Variants in DLGAP2 observed in about 807,000 individuals in gnomAD.
DLGAP2 encodes the protein disks large-associated protein 2.
Under a neutral mutation model 100.3 loss-of-function variants are expected in DLGAP2, and 26 were observed. That is an observed-to-expected ratio of 0.26 (90% CI 0.19 to 0.36). DLGAP2 has a LOEUF of 0.36. Ranked by LOEUF, DLGAP2 falls within the 10% of genes least tolerant of loss-of-function variation. DLGAP2 has a pLI of 1.00. For synonymous variants in DLGAP2, 886 were observed against 630.1 expected, an observed-to-expected ratio of 1.41 and a Z score of -6.08; for missense variants, 1,858 against 1,453.2, an observed-to-expected ratio of 1.28 and a Z score of -4.53.
intron 3 of DLGAP2, among the ~76,000 whole-genome samples, chr8:1,262,869 G>T (rs1184527364): frequency 6.6e-6 from 1 of 151,648 alleles, no homozygotes; most frequent in African/African-American, 2.4e-5. Context: ...ATGGACATTG[G>T]GTGGGGCCAC....
At chr8:1,511,791 G>C (rs1352245191) in intron 4 of DLGAP2, among the ~76,000 whole-genome samples, 1 of 151,648 alleles carries the variant, frequency 6.6e-6, no homozygotes, top group Non-Finnish European at 1.5e-5. Flanking sequence ...ACAATCAGTA[G>C]ATGACCATCT....
intron 8 of DLGAP2, among the ~76,000 whole-genome samples, chr8:1,640,924 C>G (rs1461224562): frequency 2.0e-5 from 3 of 152,186 alleles, no homozygotes; most frequent in African/African-American, 7.2e-5. Context: ...TGCGCTAAGC[C>G]TATAGGATGA....
intron 3 of DLGAP2, among the ~76,000 whole-genome samples, chr8:1,280,905 T>G (rs1563058679): frequency 6.6e-6 from 1 of 152,204 alleles, no homozygotes; most frequent in Non-Finnish European, 1.5e-5. Flanking sequence ...ATGCGTATTC[T>G]GGGAACAAGT....
chr8:1,656,608 T>G (rs1457172675), intron 8 of DLGAP2, among the ~76,000 whole-genome samples: 1 of 152,156 alleles, frequency 6.6e-6, no homozygotes. Flanking sequence ...GGAAAGTCAG[T>G]TTTTACACAC....
intron 2 of DLGAP2, among the ~76,000 whole-genome samples, chr8:940,952 G>A (rs1799182557): frequency 1.3e-5 from 2 of 152,148 alleles, no homozygotes; most frequent in African/African-American, 4.8e-5. Flanking sequence ...CCACCTGCCA[G>A]GAGAGGGGAG....
At chr8:1,181,273 C>T (rs767085395) in intron 2 of DLGAP2, among the ~76,000 whole-genome samples, 1 of 149,520 alleles carries the variant, frequency 6.7e-6, no homozygotes, top group Admixed American at 6.6e-5. Context: ...TGGCACACAT[C>T]GTGTGCAAGG....
chr8:1,305,418 C>T (rs937076075), intron 3 of DLGAP2, among the ~76,000 whole-genome samples: 16 of 152,058 alleles, frequency 1.1e-4, no homozygotes, highest in African/African-American at 2.9e-4. Flanking sequence ...AGAAATTAGT[C>T]CTTACAGTTT....
chr8:817,999 C>A (rs539682815), intron 1 of DLGAP2, among the ~76,000 whole-genome samples: 2 of 152,242 alleles, frequency 1.3e-5, no homozygotes, highest in African/African-American at 2.4e-5. Context: ...AGCAAACTTG[C>A]CCTAGGGTGT....
intron 1 of DLGAP2, among the ~76,000 whole-genome samples, chr8:817,027 G>T (rs773473948): frequency 9.9e-5 from 15 of 151,732 alleles, no homozygotes; most frequent in Non-Finnish European, 1.9e-4. Flanking sequence ...TGTAGTCCCA[G>T]CTCCTCAGGA....
chr8:965,535 C>G (rs541156287), intron 2 of DLGAP2, among the ~76,000 whole-genome samples: 28 of 140,764 alleles, frequency 2.0e-4, no homozygotes, highest in Non-Finnish European at 3.5e-4. Flanking sequence ...GCACACGGCA[C>G]TGTTCACCAC....
intron 2 of DLGAP2, among the ~76,000 whole-genome samples, chr8:1,257,036 C>T (rs1260801489): frequency 1.3e-5 from 2 of 152,136 alleles, no homozygotes; most frequent in African/African-American, 4.8e-5. Flanking sequence ...GCGGCCCCGA[C>T]GTCTTCTCTC....
intron 3 of DLGAP2, among the ~76,000 whole-genome samples, chr8:1,455,890 C>T (rs910778386): frequency 2.0e-5 from 3 of 152,200 alleles, no homozygotes; most frequent in Admixed American, 2.0e-4. Context: ...TTCACTGTCT[C>T]GGCCTCTGCC....
chr8:836,833 A>G (rs1239673328), intron 1 of DLGAP2, among the ~76,000 whole-genome samples: 1 of 152,118 alleles, frequency 6.6e-6, no homozygotes, highest in Non-Finnish European at 1.5e-5. Context: ...CACTTTACCG[A>G]AGGACCATAC....
chr8:1,070,518 G>A (rs961566644), intron 2 of DLGAP2, among the ~76,000 whole-genome samples: 2 of 152,182 alleles, frequency 1.3e-5, no homozygotes, highest in Non-Finnish European at 2.9e-5. Flanking sequence ...CGTGTCCTTA[G>A]GCTCTGAAAT....
chr8:1,510,622 G>A (rs1171374452), intron 4 of DLGAP2, among the ~76,000 whole-genome samples: 1 of 152,194 alleles, frequency 6.6e-6, no homozygotes, highest in Non-Finnish European at 1.5e-5. Flanking sequence ...CAAACATGAA[G>A]GTCACAGGAC....
intron 3 of DLGAP2, among the ~76,000 whole-genome samples, chr8:1,430,511 C>G (rs1438572236): frequency 1.3e-5 from 2 of 152,148 alleles, no homozygotes; most frequent in Non-Finnish European, 2.9e-5. Flanking sequence ...TTTGCAAAGC[C>G]TAGGTCTACA....
At chr8:946,463 CCA>C (rs1799326439) in intron 2 of DLGAP2, among the ~76,000 whole-genome samples, 2 of 151,764 alleles carry the variant, frequency 1.3e-5, no homozygotes, top group South Asian at 2.1e-4. Context: ...CGGGGTTTCA[CCA>C]TATTAGCCAG....
chr8:1,515,542 A>T (rs73540690), intron 4 of DLGAP2, among the ~76,000 whole-genome samples: 6,249 of 152,332 alleles, frequency 0.041, 423 homozygotes, highest in African/African-American at 0.14. Flanking sequence ...ACACATGCAG[A>T]TGCACACAAA....
chr8:1,111,305 G>A (rs1436109410), intron 2 of DLGAP2, among the ~76,000 whole-genome samples: 1 of 152,194 alleles, frequency 6.6e-6, no homozygotes, highest in Non-Finnish European at 1.5e-5. Flanking sequence ...AGCACTGTGT[G>A]TGCTGAAGGC....
Sources: gnomAD v4.1 joint callset for allele counts (sites outside exome capture counted in the v4.1 genomes callset) on GRCh38, gnomAD v4.1.1 for gene constraint, MANE v1.5 for transcripts, NCBI Gene and HGNC (gene_info 2026-07-23, HGNC 2026-07-21) for gene names.